Variants in UBASH3A observed in about 807,000 individuals in gnomAD.
The protein encoded by UBASH3A is ubiquitin-associated and SH3 domain-containing protein A.
A neutral mutation model predicts 73.5 loss-of-function variants in UBASH3A; 63 were observed. The observed-to-expected ratio is 0.86, with a 90% CI of 0.70 to 1.06. The LOEUF is 1.06. Ranked by LOEUF, UBASH3A falls within the 50% of genes least tolerant of loss-of-function variation. The pLI is 0.00. For synonymous variants in UBASH3A, 363 were observed against 351.1 expected (o/e 1.03, Z -0.38); for missense variants, 860 against 859.0 (o/e 1.00, Z -0.02).
At chr21:42,439,218 G>A (rs1476642445) in intron 11 of UBASH3A, among the ~76,000 whole-genome samples, 2 of 152,094 alleles carry the variant, frequency 1.3e-5, no homozygotes, top group South Asian at 2.1e-4. Flanking sequence ...CTAGTTTCAC[G>A]AGGCACAGAA....
intron 9 of UBASH3A, among the ~76,000 whole-genome samples, chr21:42,432,483 C>T (rs1032062902): frequency 4.3e-5 from 6 of 138,456 alleles, no homozygotes; most frequent in African/African-American, 9.0e-5. Context: ...TTGAACATGC[C>T]TCTTGCACAC....
chr21:42,403,953 C>CG lies in UBASH3A; in HGVS notation c.13dup (p.Glu5GlyfsTer55). 2 of 1,504,654 alleles carry CG rather than the reference C, an allele frequency of 1.3e-6. No individual in the cohort carries two copies. The highest frequency in any genetic ancestry group is 1.8e-6 in the Non-Finnish European group (2 of 1,119,724). The allele number at this position is 1,504,654 out of a possible 1,614,324, so 93.2% of individuals were successfully genotyped here. ...GCCTAAGGGCAGGAAGAGATGGCAG[C>CG]GGGGGAGACGCAGCTCTACGCCAAG... On this transcript the variant is annotated frameshift_variant, in exon 1 of 15. Coordinates refer to ENST00000319294, the MANE Select transcript of UBASH3A (RefSeq NM_018961.4). LOFTEE classifies it high-confidence loss of function.
At chr21:42,404,786 T>C (rs1367779606) in intron 1 of UBASH3A, among the ~76,000 whole-genome samples, 2 of 151,998 alleles carry the variant, frequency 1.3e-5, no homozygotes, top group Non-Finnish European at 2.9e-5. Context: ...ACGAAACAAA[T>C]GGGTAGGAAA....
intron 11 of UBASH3A, among the ~76,000 whole-genome samples, chr21:42,438,416 C>A (rs2053666058): frequency 6.6e-6 from 1 of 152,082 alleles, no homozygotes; most frequent in South Asian, 2.1e-4. Flanking sequence ...GCAGAGGGGC[C>A]CAGGACATGG....
At chr21:42,440,798 A>T (rs1223157198) in intron 11 of UBASH3A, among the ~76,000 whole-genome samples, 1 of 152,230 alleles carries the variant, frequency 6.6e-6, no homozygotes, top group Non-Finnish European at 1.5e-5. Context: ...TCACCACGAT[A>T]ACAACAACGA....
At chr21:42,434,751 G>A in intron 9 of UBASH3A, 81 bp from the exon 10 acceptor site, 1 of 1,438,052 alleles carries the variant, frequency 7.0e-7, no homozygotes, top group Non-Finnish European at 9.5e-7. Flanking sequence ...TGTTAGAGTG[G>A]GTCTTGGTCT....
At position 42,416,428 on chromosome 21, in the gene UBASH3A, C is replaced by T. The variant is rs776368435; in HGVS notation, c.668-14C>T. The T allele has an allele frequency of 1.3e-6, 2 of 1,551,958 alleles. No homozygotes were observed. Among genetic ancestry groups the T allele is most frequent in the African/African-American group, 1.4e-5 (1 of 71,866 alleles). On this transcript the variant is annotated splice_polypyrimidine_tract_variant and intron_variant, in intron 5 of 14. Coordinates refer to ENST00000319294, the MANE Select transcript of UBASH3A (RefSeq NM_018961.4). ...CGGTGTCCTGGCACCCTCTGTGTTT[C>T]CCTGATTTCACAGACTGCTCCGTGA...
At chr21:42,441,687 G>A (rs1371199637) in intron 11 of UBASH3A, among the ~76,000 whole-genome samples, 1 of 150,558 alleles carries the variant, frequency 6.6e-6, no homozygotes, top group Non-Finnish European at 1.5e-5. Context: ...GGACTTGGGG[G>A]CCTGGTTGAT....
chr21:42,443,041 G>A, intron 12 of UBASH3A: 1 of 1,087,298 alleles, frequency 9.2e-7, no homozygotes, highest in Non-Finnish European at 1.2e-6. Flanking sequence ...CTGGAGTTTA[G>A]TCAAGGAGAG....
chr21:42,419,557 G>A (rs960845419), intron 7 of UBASH3A, among the ~76,000 whole-genome samples: 2 of 152,152 alleles, frequency 1.3e-5, no homozygotes, highest in Non-Finnish European at 2.9e-5. Flanking sequence ...CTCCCCGGAG[G>A]ATTCACCTTT....
rs1229886328 is a variant in UBASH3A at position 42,437,643 on chromosome 21, A to T, written c.1486+63A>T. 5 of 1,447,528 alleles carry T rather than the reference A, an allele frequency of 3.5e-6. No homozygotes were observed. The African/African-American group carries it at 7.0e-5, about 20-fold the overall frequency. 89.7% of individuals were successfully genotyped at this position (1,447,528 alleles called of 1,614,324 possible). A position where few individuals can be genotyped will look rare whatever the true frequency, so the allele number is the denominator to read the frequency against. ...GACCTTGGGGCTATTCTCCAAGGGG[A>T]GTGGGAAGGGAGTGGAGGTGGAATT... On this transcript the variant is annotated intron_variant, in intron 11 of 14. Coordinates refer to ENST00000319294, the MANE Select transcript of UBASH3A (RefSeq NM_018961.4).
intron 11 of UBASH3A, among the ~76,000 whole-genome samples, chr21:42,440,635 C>T (rs2053724243): frequency 6.6e-6 from 1 of 152,222 alleles, no homozygotes; most frequent in Non-Finnish European, 1.5e-5. Context: ...CACTGGCTGG[C>T]CGCCCACTAG....
At chr21:42,418,345 C>T (rs2053264269) in intron 6 of UBASH3A, 56 bp from the exon 7 acceptor site, 17 of 1,538,950 alleles carry the variant, frequency 1.1e-5, no homozygotes, top group Non-Finnish European at 1.4e-5. Context: ...CTATTGCTGC[C>T]ATTTTCCAAT....
At chr21:42,444,469 C>T in intron 13 of UBASH3A, 65 bp from the exon 14 acceptor site, 1 of 1,260,540 alleles carries the variant, frequency 7.9e-7, no homozygotes, top group Non-Finnish European at 1.2e-6. Flanking sequence ...ACTTTGGGGA[C>T]CCCAGTCTAA....
chr21:42,409,425 G>T lies in UBASH3A; in HGVS notation c.171G>T (p.Leu57=), dbSNP rs774362229. The part of the protein sequence containing the change: ...RKTAEEALAW[L]HDHCNDPSLD... ...GCCGGCTTGCTCTCTGTTGCAGGCT[G>T]CATGATCATTGCAATGACCCTTCCC... Residue 57 remains leucine, a synonymous_variant, in exon 3 of 15, where the codon CTG becomes CTT. Coordinates refer to ENST00000319294, the MANE Select transcript of UBASH3A (RefSeq NM_018961.4). 19 of 1,582,494 alleles carry T rather than the reference G, an allele frequency of 1.2e-5. No individual in the cohort carries two copies. Among genetic ancestry groups the T allele is most frequent in the South Asian group, 1.0e-4 (9 of 86,730 alleles).
chr21:42,411,667 G>A (rs1403567325), intron 3 of UBASH3A, among the ~76,000 whole-genome samples: 1 of 152,162 alleles, frequency 6.6e-6, no homozygotes, highest in Non-Finnish European at 1.5e-5. Flanking sequence ...GTTCTGGCCT[G>A]GCCGTGGTTA....
intron 11 of UBASH3A, among the ~76,000 whole-genome samples, chr21:42,441,863 C>A (rs886557485): frequency 3.9e-5 from 6 of 152,184 alleles, no homozygotes; most frequent in African/African-American, 1.2e-4. Context: ...ACATTCAGGT[C>A]TTTTTTTCCA....
At chr21:42,431,979 T>C in intron 8 of UBASH3A, 124 bp from the exon 9 acceptor site, 1 of 636,390 alleles carries the variant, frequency 1.6e-6, no homozygotes, top group South Asian at 1.9e-5. Flanking sequence ...TGGGCTGAGC[T>C]ATTGACTAAC....
rs116752327 is a variant in UBASH3A at position 42,443,346 on chromosome 21, G to A, written c.1666G>A (p.Glu556Lys). The A allele has an allele frequency of 6.2e-5, 100 of 1,613,110 alleles. No homozygotes were observed. The highest frequency in any genetic ancestry group is 5.4e-4 in the South Asian group (49 of 90,878). The change falls in exon 13 of 15, where the codon GAG becomes AAG. Residue 556 changes from glutamate (E) to lysine (K), a missense_variant. Physicochemically the swap from Glu to Lys is moderately conservative, Grantham distance 56. Transcript: ENST00000319294. ...TCCCCTGTCCGCCCTCATGCCGGCCGAGAGCTACCAGGAGTACATGGACAG... is the reference window on the plus strand; with the variant it reads ...TCCCCTGTCCGCCCTCATGCCGGCCAAGAGCTACCAGGAGTACATGGACAG... ...AFPLSALMPA[E>K]SYQEYMDRCT...
Sources: allele counts gnomAD v4.1 joint callset (sites outside exome capture counted in the v4.1 genomes callset), GRCh38; gene constraint gnomAD v4.1.1; transcripts MANE v1.5; gene names NCBI Gene and HGNC (gene_info 2026-07-23, HGNC 2026-07-21).